The following LRIG1 variants were observed in gnomAD, a reference collection of about 807,000 sequenced individuals.
LRIG1 encodes leucine rich repeats and immunoglobulin like domains 1.
LRIG1 carries 48 observed loss-of-function variants against 99.2 expected under a neutral mutation model. That is an observed-to-expected ratio of 0.48 (90% CI 0.38 to 0.62). LRIG1 has a LOEUF of 0.62. Among genes scored for constraint, LRIG1 ranks in the 20% least tolerant of loss-of-function variants. The pLI, the probability that LRIG1 is intolerant of heterozygous loss-of-function variation, is 0.00. For synonymous variants in LRIG1, 772 were observed against 596.1 expected (o/e 1.29, Z -4.30); for missense variants, 1,646 against 1,434.4 (o/e 1.15, Z -2.38).
rs770438762 is a variant in LRIG1, at chr3:66,399,030, CCAAA to C, written c.1168_1171del (p.Phe390GlufsTer21). 1.9e-6 allele frequency: 3 copies of C among 1,614,056 alleles called. No individual in the cohort carries two copies. Among genetic ancestry groups the C allele is most frequent in the Non-Finnish European group, 2.5e-6 (3 of 1,179,942 alleles). On this transcript the variant is annotated frameshift_variant, in exon 10 of 19. Transcript: ENST00000273261. LOFTEE classifies it high-confidence loss of function. Reference sequence around the variant, plus strand: ...CTTAGCCACAGACTTGATCTTGTTTCCAAACAGAGTCCTGTAGTTTCCAAACATC... The same window carrying C: ...CTTAGCCACAGACTTGATCTTGTTTCCAGAGTCCTGTAGTTTCCAAACATC...
intron 3 of LRIG1, among the ~76,000 whole-genome samples, chr3:66,422,551 G>A (rs1702852475): frequency 6.6e-6 from 1 of 152,124 alleles, no homozygotes; most frequent in African/African-American, 2.4e-5. Context: ...GACCACCTCA[G>A]CCTGGACATT....
chr3:66,469,498 T>G (rs1700548936), intron 1 of LRIG1, among the ~76,000 whole-genome samples: 1 of 152,204 alleles, frequency 6.6e-6, no homozygotes, highest in South Asian at 2.1e-4. Flanking sequence ...CTCTGAAGTC[T>G]AACGCCCGTG....
intron 3 of LRIG1, among the ~76,000 whole-genome samples, chr3:66,418,849 T>C (rs892816626): frequency 6.6e-6 from 1 of 151,860 alleles, no homozygotes; most frequent in Non-Finnish European, 1.5e-5. Context: ...AACTCGAAAG[T>C]CCATTTCCAA....
At chr3:66,476,069 A>C (rs1230331871) in intron 1 of LRIG1, among the ~76,000 whole-genome samples, 1 of 152,248 alleles carries the variant, frequency 6.6e-6, no homozygotes, top group Non-Finnish European at 1.5e-5. Context: ...AATGTATTTC[A>C]GAACTACCTA....
At chr3:66,462,934 C>T (rs564380151) in intron 1 of LRIG1, among the ~76,000 whole-genome samples, 3 of 152,128 alleles carry the variant, frequency 2.0e-5, no homozygotes, top group African/African-American at 7.2e-5. Context: ...GGAAAAAACC[C>T]CTTCATTGTC....
intron 3 of LRIG1, chr3:66,417,695 C>A (rs930951872): frequency 9.1e-5 from 15 of 163,982 alleles, no homozygotes; most frequent in African/African-American, 3.4e-4. Flanking sequence ...GCACCACAGC[C>A]CAGAGTTCAC....
intron 11 of LRIG1, among the ~76,000 whole-genome samples, chr3:66,394,667 G>A (rs1251876739): frequency 6.6e-6 from 1 of 152,064 alleles, no homozygotes; most frequent in African/African-American, 2.4e-5. Context: ...ACTACTTGGA[G>A]CTTCCAAACT....
intron 1 of LRIG1, among the ~76,000 whole-genome samples, chr3:66,499,115 GA>G (rs1701293484): frequency 6.6e-6 from 1 of 152,218 alleles, no homozygotes; most frequent in South Asian, 2.1e-4. Flanking sequence ...GTTCTACAGA[GA>G]TGCTAATTAC....
chr3:66,455,846 T>G (rs1241465509), intron 2 of LRIG1, among the ~76,000 whole-genome samples: 1 of 152,238 alleles, frequency 6.6e-6, no homozygotes, highest in Non-Finnish European at 1.5e-5. Flanking sequence ...GATAGCCAGA[T>G]AAAATTATTT....
At chr3:66,489,615 T>C (rs1381307878) in intron 1 of LRIG1, among the ~76,000 whole-genome samples, 3 of 152,154 alleles carry the variant, frequency 2.0e-5, no homozygotes, top group Non-Finnish European at 1.5e-5. Flanking sequence ...AATTTAATTC[T>C]TACCATCCAA....
rs1165437965 is a variant in LRIG1, at chr3:66,381,597, C to T, written c.2652G>A (p.Glu884=). ...VCPRDASHFP[E]PDTHSVACRQ... ...TGCAGGCAACGCTGTGAGTGTCGGG[C>T]TCTGGAAAGTGGCTTGCATCTCTTG... Residue 884 remains glutamate (E), a synonymous_variant, in exon 17 of 19, where the codon GAG becomes GAA. Transcript: ENST00000273261. The T allele has an allele frequency of 1.9e-6, 3 of 1,614,060 alleles. No homozygotes were observed. The South Asian group carries it at 3.3e-5, about 18-fold the overall frequency.
Position 66,404,295 on chromosome 3 carries a change from G to A in LRIG1, c.1160+903C>T, listed in dbSNP as rs192622955. 72 of 1,289,220 alleles carry A rather than the reference G, an allele frequency of 5.6e-5. No homozygotes were observed. In the East Asian group the frequency reaches 7.8e-4, roughly 14 times the overall value. The allele number at this position is 1,289,220 out of a possible 1,614,324, so 79.9% of individuals were successfully genotyped here. ...CTTTCCAAATATTTACTTGACACTC[G>A]CACTCTGCTGAGCTCCCCGTCACTG... On this transcript the variant is annotated intron_variant, in intron 9 of 18. Transcript: ENST00000273261.
intron 3 of LRIG1, among the ~76,000 whole-genome samples, chr3:66,436,552 A>C (rs915734792): frequency 6.6e-6 from 1 of 152,200 alleles, no homozygotes; most frequent in Admixed American, 6.5e-5. Context: ...TATCTGTGGG[A>C]AACACCACGT....
At chr3:66,497,312 C>A (rs187309363) in intron 1 of LRIG1, among the ~76,000 whole-genome samples, 1 of 152,200 alleles carries the variant, frequency 6.6e-6, no homozygotes, top group Admixed American at 6.5e-5. Context: ...CTAAGGTAAA[C>A]TGTATTTAAT....
At chr3:66,398,948 G>A (rs1378942949) in intron 10 of LRIG1, 22 bp downstream of exon 10, 12 of 1,610,106 alleles carry the variant, frequency 7.5e-6, no homozygotes, top group Non-Finnish European at 1.0e-5. Context: ...GTGCCTCAGG[G>A]CAGGGCTGGT....
chr3:66,459,668 C>T (rs1264749414), intron 2 of LRIG1, among the ~76,000 whole-genome samples: 2 of 152,224 alleles, frequency 1.3e-5, no homozygotes, highest in Non-Finnish European at 2.9e-5. Context: ...CAGTCCATGG[C>T]TTCCCTCAAC....
chr3:66,470,546 A>G (rs1217262566), intron 1 of LRIG1, among the ~76,000 whole-genome samples: 2 of 152,220 alleles, frequency 1.3e-5, no homozygotes, highest in African/African-American at 4.8e-5. Context: ...AAAGTTGAGA[A>G]GAATAGCCCC....
intron 5 of LRIG1, among the ~76,000 whole-genome samples, chr3:66,414,286 G>A (rs903002356): frequency 7.2e-5 from 11 of 152,004 alleles, no homozygotes; most frequent in Admixed American, 1.3e-4. Context: ...AGTCCCAGCT[G>A]CTCTGGAGGC....
rs1348185624 is a variant in LRIG1, at chr3:66,500,225, C to G, written c.183G>C (p.Ala61=). ...SLDCGGRGLA[A]LPGDLPSWTR... is the part of the protein sequence containing the mutation. ...TCCAGGAGGGCAGGTCCCCGGGCAA[C>G]GCAGCCAGCCCGCGCCCACCGCAGT... The change falls in exon 1 of 19, where the codon GCG becomes GCC. Residue 61 remains alanine, a synonymous_variant. Transcript: ENST00000273261. 1.3e-5 allele frequency: 19 copies of G among 1,511,924 alleles called. No individual in the cohort carries two copies. In the East Asian group the frequency reaches 4.6e-4, roughly 36 times the overall value. The allele number at this position is 1,511,924 out of a possible 1,614,324, so 93.7% of individuals were successfully genotyped here.
Sources: gnomAD v4.1 joint callset for allele counts (sites outside exome capture counted in the v4.1 genomes callset) on GRCh38, gnomAD v4.1.1 for gene constraint, MANE v1.5 for transcripts, NCBI Gene and HGNC (gene_info 2026-07-23, HGNC 2026-07-21) for gene names.